Variants in XKR9 observed in about 807,000 individuals in gnomAD.
The protein encoded by XKR9 is XK-related protein 9.
Under a neutral mutation model 32.0 loss-of-function variants are expected in XKR9, and 32 were observed. The observed-to-expected ratio is 1.00, with a 90% CI of 0.76 to 1.34. The LOEUF (loss-of-function observed/expected upper bound fraction) is 1.34. Among genes scored for constraint, XKR9 ranks in the 40% most tolerant of loss-of-function variants. XKR9 has a pLI of 0.00. For synonymous variants in XKR9, 168 were observed against 143.4 expected (o/e 1.17, Z -1.22); for missense variants, 546 against 429.7 (o/e 1.27, Z -2.39).
At chr8:70,759,228 C>T (rs964795105) in intron 2 of XKR9, among the ~76,000 whole-genome samples, 1 of 152,114 alleles carries the variant, frequency 6.6e-6, no homozygotes, top group East Asian at 1.9e-4. Flanking sequence ...AGCTTTTAAT[C>T]ATGGAATTTT....
At chr8:70,784,214 G>T (rs1807653197) in intron 2 of XKR9, among the ~76,000 whole-genome samples, 1 of 151,946 alleles carries the variant, frequency 6.6e-6, no homozygotes, top group Admixed American at 6.6e-5. Flanking sequence ...CAGATTTTAG[G>T]ATTATTTTTT....
At chr8:70,815,509 T>TTTTATTTATTTATTTATTTA in the XKR9 span, among the ~76,000 whole-genome samples, 3,085 of 141,804 alleles carry the variant, frequency 0.022, 90 homozygotes, top group African/African-American at 0.057. Context: ...CATTCCTTTA[T>TTTTATTTATTTATTTATTTA]TTTATTTATT....
chr8:70,905,105 T>G, the XKR9 span, among the ~76,000 whole-genome samples: 1 of 152,132 alleles, frequency 6.6e-6, no homozygotes, highest in Non-Finnish European at 1.5e-5. Context: ...TGTCTTGGAG[T>G]TGCTCTTCTG....
intron 3 of XKR9, among the ~76,000 whole-genome samples, chr8:70,688,289 A>G (rs1174316664): frequency 1.3e-5 from 2 of 152,168 alleles, no homozygotes; most frequent in Non-Finnish European, 2.9e-5. Flanking sequence ...GTGACAAAAT[A>G]TGGGTTCTAA....
At chr8:71,000,653 G>T in the XKR9 span, among the ~76,000 whole-genome samples, 42 of 152,268 alleles carry the variant, frequency 2.8e-4, no homozygotes, top group African/African-American at 9.9e-4. Flanking sequence ...AATGAGTCAG[G>T]ATCAGGATTG....
At chr8:70,816,239 G>A in the XKR9 span, among the ~76,000 whole-genome samples, 5 of 152,158 alleles carry the variant, frequency 3.3e-5, no homozygotes, top group South Asian at 2.1e-4. Context: ...GCACATACAC[G>A]ATTGAAAGGA....
the XKR9 span, among the ~76,000 whole-genome samples, chr8:71,005,632 A>C: frequency 1.3e-5 from 2 of 152,198 alleles, no homozygotes; most frequent in African/African-American, 4.8e-5. Flanking sequence ...AGAAGTGGAA[A>C]ATATGGGGAG....
chr8:71,058,269 G>T, the XKR9 span, among the ~76,000 whole-genome samples: 2 of 152,192 alleles, frequency 1.3e-5, no homozygotes, highest in Non-Finnish European at 2.9e-5. Flanking sequence ...ATCACTCTGG[G>T]TCAGTTGAAA....
At chr8:71,063,783 A>G in the XKR9 span, among the ~76,000 whole-genome samples, 5,607 of 152,332 alleles carry the variant, frequency 0.037, 157 homozygotes, top group Middle Eastern at 0.095. Context: ...CACAAGATGA[A>G]TAATGCTAGC....
At chr8:71,036,714 A>T in the XKR9 span, among the ~76,000 whole-genome samples, 2 of 152,304 alleles carry the variant, frequency 1.3e-5, no homozygotes, top group East Asian at 3.9e-4. Context: ...ATCCAAATTT[A>T]TCTTTTTAGA....
At chr8:70,989,874 G>A in the XKR9 span, among the ~76,000 whole-genome samples, 1 of 152,142 alleles carries the variant, frequency 6.6e-6, no homozygotes, top group Non-Finnish European at 1.5e-5. Context: ...AACCTCTGAT[G>A]TACTTTATGC....
chr8:71,020,706 C>T, the XKR9 span, among the ~76,000 whole-genome samples: 1 of 152,142 alleles, frequency 6.6e-6, no homozygotes, highest in East Asian at 1.9e-4. Flanking sequence ...GTGTAATGAT[C>T]CGGGTGTTTA....
the XKR9 span, among the ~76,000 whole-genome samples, chr8:70,829,296 T>C: frequency 3.0e-4 from 36 of 120,302 alleles, no homozygotes; most frequent in African/African-American, 1.0e-3. Flanking sequence ...GTTAAAACAA[T>C]GAACATTTAA....
intron 2 of XKR9, among the ~76,000 whole-genome samples, chr8:70,756,071 T>G (rs1807220835): frequency 6.6e-6 from 1 of 152,192 alleles, no homozygotes; most frequent in Admixed American, 6.5e-5. Context: ...TGTTTATTCT[T>G]TATTCCTTTG....
chr8:71,057,581 GGT>G, the XKR9 span, among the ~76,000 whole-genome samples: 118 of 152,226 alleles, frequency 7.8e-4, 1 homozygote, highest in African/African-American at 2.6e-3. Context: ...ATCATTAAGG[GGT>G]GGTGATGATA....
chr8:70,926,625 T>A, the XKR9 span, among the ~76,000 whole-genome samples: 1 of 152,344 alleles, frequency 6.6e-6, no homozygotes, highest in East Asian at 1.9e-4. Context: ...AGGAGAATTG[T>A]TTATTTCAAC....
chr8:71,017,163 A>G, the XKR9 span, among the ~76,000 whole-genome samples: 2 of 152,198 alleles, frequency 1.3e-5, no homozygotes, highest in African/African-American at 2.4e-5. Flanking sequence ...GACATTTCAT[A>G]TCAAGTGGAA....
At chr8:70,819,970 C>A in the XKR9 span, among the ~76,000 whole-genome samples, 1 of 152,176 alleles carries the variant, frequency 6.6e-6, no homozygotes, top group African/African-American at 2.4e-5. Context: ...TCTCTTCTAA[C>A]AAGGCCCCTT....
the XKR9 span, among the ~76,000 whole-genome samples, chr8:71,064,306 C>A: frequency 6.6e-6 from 1 of 152,122 alleles, no homozygotes; most frequent in African/African-American, 2.4e-5. Flanking sequence ...AATACTACTA[C>A]TGTCATCACA....
Sources: gnomAD v4.1 joint callset for allele counts (sites outside exome capture counted in the v4.1 genomes callset) on GRCh38, gnomAD v4.1.1 for gene constraint, MANE v1.5 for transcripts, NCBI Gene and HGNC (gene_info 2026-07-23, HGNC 2026-07-21) for gene names.